The following NRG1 variants were observed in gnomAD, a reference collection of about 807,000 sequenced individuals.
The protein encoded by NRG1 is pro-neuregulin-1, membrane-bound isoform.
A neutral mutation model predicts 63.8 loss-of-function variants in NRG1; 18 were observed. That is an observed-to-expected ratio of 0.28 (90% confidence interval 0.19 to 0.42). NRG1 has a LOEUF of 0.42. NRG1 is among the 10% of genes least tolerant of loss of function. The pLI, the probability that NRG1 is intolerant of heterozygous loss-of-function variation, is 1.00. For missense variants in NRG1, 762 were observed against 814.7 expected (o/e 0.94, Z 0.79); for synonymous variants, 302 against 301.3 (o/e 1.00, Z -0.02).
chr8:32,051,618 A>G (rs1821989123), intron 1 of NRG1, among the ~76,000 whole-genome samples: 1 of 152,166 alleles, frequency 6.6e-6, no homozygotes, highest in Non-Finnish European at 1.5e-5. Flanking sequence ...GCATGCCAGC[A>G]ACCTCAGCCA....
intron 1 of NRG1, among the ~76,000 whole-genome samples, chr8:32,556,582 A>G (rs1344945262): frequency 1.3e-5 from 2 of 152,226 alleles, no homozygotes; most frequent in Non-Finnish European, 2.9e-5. Context: ...GTTATGGAGT[A>G]ATATGAAAAA....
chr8:32,365,637 T>C (rs1807868489), intron 1 of NRG1, among the ~76,000 whole-genome samples: 1 of 152,204 alleles, frequency 6.6e-6, no homozygotes, highest in Non-Finnish European at 1.5e-5. Flanking sequence ...GTAAATATTT[T>C]AGACTTCATG....
intron 1 of NRG1, among the ~76,000 whole-genome samples, chr8:31,744,824 A>G (rs929116457): frequency 6.6e-6 from 1 of 152,030 alleles, no homozygotes; most frequent in Non-Finnish European, 1.5e-5. Context: ...AAAAGAAAAC[A>G]AAATACAGAA....
intron 1 of NRG1, among the ~76,000 whole-genome samples, chr8:31,772,193 CT>C (rs1381312201): frequency 9.9e-5 from 15 of 152,156 alleles, no homozygotes; most frequent in African/African-American, 3.6e-4. Flanking sequence ...ATCTATCTCC[CT>C]TTTCAAAGCT....
chr8:32,129,915 C>T (rs1463950924), intron 1 of NRG1, among the ~76,000 whole-genome samples: 1 of 151,838 alleles, frequency 6.6e-6, no homozygotes, highest in South Asian at 2.1e-4. Flanking sequence ...CTGCCTTTTT[C>T]ATATGTAAAT....
chr8:32,461,479 A>G lies in NRG1; in HGVS notation c.38-134349A>G, dbSNP rs542128325. ...TTTGGGAGGCCGAGGTGAGTGGATC[A>G]CTTGAAGCCAGGAGTTCGAGACCAG... On this transcript the variant is annotated intron_variant, in intron 1 of 10. Coordinates refer to the NRG1 transcript ENST00000519301. Among the ~76,000 whole-genome samples, 178 of 152,300 alleles carry G rather than the reference A, an allele frequency of 1.2e-3. 2 individuals are homozygous for G. The highest frequency in any genetic ancestry group is 2.0e-3 in the Non-Finnish European group (138 of 68,028).
At chr8:32,205,002 G>A (rs1843882655) in intron 1 of NRG1, among the ~76,000 whole-genome samples, 1 of 152,134 alleles carries the variant, frequency 6.6e-6, no homozygotes, top group African/African-American at 2.4e-5. Context: ...TAAATAATGT[G>A]TGGCATGGAA....
intron 6 of NRG1, among the ~76,000 whole-genome samples, chr8:32,740,661 A>G (rs941280767): frequency 3.3e-5 from 5 of 152,198 alleles, no homozygotes; most frequent in Non-Finnish European, 4.4e-5. Context: ...GCTTAAACAC[A>G]TACTCACAGG....
At position 32,444,112 on chromosome 8, in the gene NRG1, C is replaced by T. The variant is rs896788383; in HGVS notation, c.38-151716C>T. On this transcript the variant is annotated intron_variant, in intron 1 of 10. Transcript: ENST00000519301. ...CTCTCTCTTTCCTCTTTCTTTCTGTCTGTCTGTCTGTCTGTCTTTTTCTTG... is the reference window on the plus strand; with the variant it reads ...CTCTCTCTTTCCTCTTTCTTTCTGTTTGTCTGTCTGTCTGTCTTTTTCTTG... Among the ~76,000 whole-genome samples the T allele has an allele frequency of 6.0e-5, 8 of 134,144 alleles. No homozygotes were observed. In the Admixed American group the frequency reaches 6.4e-4, roughly 11 times the overall value. The allele number at this position is 134,144 out of a possible 152,430, so 88.0% of individuals were successfully genotyped here.
intron 1 of NRG1, among the ~76,000 whole-genome samples, chr8:32,353,131 G>A (rs1246267914): frequency 1.1e-4 from 16 of 150,368 alleles, no homozygotes; most frequent in Admixed American, 1.1e-3. Flanking sequence ...AGAATAATAA[G>A]AAATTGCACT....
chr8:32,220,177 G>T (rs117153869), intron 1 of NRG1, among the ~76,000 whole-genome samples: 3,293 of 152,170 alleles, frequency 0.022, 52 homozygotes, highest in Non-Finnish European at 0.031. Flanking sequence ...ACTCAACCTT[G>T]CAGTGGGACA....
chr8:32,087,715 C>T (rs979414804), intron 1 of NRG1, among the ~76,000 whole-genome samples: 3 of 152,002 alleles, frequency 2.0e-5, no homozygotes, highest in East Asian at 1.9e-4. Flanking sequence ...GTGATCTGCC[C>T]GCCTCAGGCT....
chr8:32,312,104 G>T (rs141003471), intron 1 of NRG1, among the ~76,000 whole-genome samples: 23 of 150,578 alleles, frequency 1.5e-4, no homozygotes, highest in African/African-American at 3.7e-4. Flanking sequence ...CTCAAATGTG[G>T]CTTTCTAGAA....
intron 1 of NRG1, among the ~76,000 whole-genome samples, chr8:32,114,741 CTCAG>C (rs1310790872): frequency 6.6e-6 from 1 of 152,184 alleles, no homozygotes; most frequent in Non-Finnish European, 1.5e-5. Flanking sequence ...GATTTCTCTG[CTCAG>C]TCAGAGAGCC....
chr8:32,120,207 A>C (rs187576668), intron 1 of NRG1, among the ~76,000 whole-genome samples: 5 of 152,246 alleles, frequency 3.3e-5, no homozygotes, highest in East Asian at 1.9e-4. Context: ...AAAACATTTC[A>C]AAAGAAATAT....
At chr8:31,690,186 A>G (rs1165940526) in intron 1 of NRG1, among the ~76,000 whole-genome samples, 2 of 152,126 alleles carry the variant, frequency 1.3e-5, no homozygotes, top group Admixed American at 6.5e-5. Context: ...CCCTTCCACC[A>G]TAATTGTAAG....
intron 1 of NRG1, among the ~76,000 whole-genome samples, chr8:32,524,983 T>C (rs576139204): frequency 1.4e-4 from 21 of 152,362 alleles, no homozygotes; most frequent in African/African-American, 4.8e-4. Context: ...CCGTTAAGTT[T>C]TTGCAAACAA....
chr8:32,221,666 G>A (rs1483506883), intron 1 of NRG1, among the ~76,000 whole-genome samples: 1 of 152,124 alleles, frequency 6.6e-6, no homozygotes, highest in African/African-American at 2.4e-5. Context: ...CTCTGAAAAA[G>A]AGGGTGTGAT....
chr8:32,090,269 ATTTTGT>A (rs2131257005), intron 1 of NRG1, among the ~76,000 whole-genome samples: 1 of 152,334 alleles, frequency 6.6e-6, no homozygotes, highest in South Asian at 2.1e-4. Flanking sequence ...ATTAACTTTG[ATTTTGT>A]TTCATATATT....
Sources: allele counts gnomAD v4.1 joint callset (sites outside exome capture counted in the v4.1 genomes callset), GRCh38; gene constraint gnomAD v4.1.1; transcripts MANE v1.5; gene names NCBI Gene and HGNC (gene_info 2026-07-23, HGNC 2026-07-21).